The following ALDH8A1 variants were observed in gnomAD, a reference collection of about 807,000 sequenced individuals.
The protein encoded by ALDH8A1 is 2-aminomuconic semialdehyde dehydrogenase.
A neutral mutation model predicts 43.3 loss-of-function variants in ALDH8A1; 39 were observed. The observed-to-expected ratio is 0.90, with a 90% confidence interval of 0.70 to 1.18. The LOEUF is 1.18. Among genes scored for constraint, ALDH8A1 ranks in the 50% most tolerant of loss-of-function variants. The pLI, the probability that ALDH8A1 is intolerant of heterozygous loss-of-function variation, is 0.00. For missense variants in ALDH8A1, 605 were observed against 622.6 expected, an observed-to-expected ratio of 0.97 and a Z score of 0.30; for synonymous variants, 233 against 243.5, an observed-to-expected ratio of 0.96 and a Z score of 0.40.
intron 1 of ALDH8A1, 24 bp from the exon 2 acceptor site, chr6:134,943,990 G>A (rs1335258750): frequency 1.2e-6 from 2 of 1,609,730 alleles, no homozygotes; most frequent in African/African-American, 2.7e-5. Context: ...ATGGGAGAAA[G>A]GGTCACCTTA....
intron 3 of ALDH8A1, 25 bp from the exon 4 acceptor site, chr6:134,939,440 G>A: frequency 1.2e-6 from 2 of 1,609,364 alleles, no homozygotes; most frequent in South Asian, 1.1e-5. Flanking sequence ...CAGAAGCACT[G>A]CCTGTGACGG....
At chr6:134,933,915 G>C (rs1305486433) in intron 4 of ALDH8A1, among the ~76,000 whole-genome samples, 1 of 152,008 alleles carries the variant, frequency 6.6e-6, no homozygotes, top group Non-Finnish European at 1.5e-5. Context: ...CATCATGTTG[G>C]CCAGGCTGGT....
chr6:134,929,018 C>T lies in ALDH8A1; in HGVS notation c.1011+36G>A, dbSNP rs764822240. 6 of 1,607,542 alleles carry T rather than the reference C, an allele frequency of 3.7e-6. No individual in the cohort carries two copies. The African/African-American group carries it at 8.0e-5, about 22-fold the overall frequency. ...TACTGAGCTTCTCTTCAAATAAGAA[C>T]TTATTCTGTAACTTACATGGCAGAA... On this transcript the variant is annotated intron_variant, in intron 6 of 6. Coordinates refer to ENST00000265605, the MANE Select transcript of ALDH8A1 (RefSeq NM_022568.4).
In ALDH8A1 at chr6:134,933,051, C is replaced by A. The variant is rs775724822; in HGVS notation, c.593-19G>T. 2.0e-6 allele frequency: 3 copies of A among 1,525,950 alleles called. No individual in the cohort carries two copies. Among genetic ancestry groups the A allele is most frequent in the East Asian group, 2.3e-5 (1 of 44,148 alleles). The allele number at this position is 1,525,950 out of a possible 1,614,324, so 94.5% of individuals were successfully genotyped here. ...GGAACACCTGGATAGGAAACAGTAT[C>A]AGTTATAGTAATTCTCAGTATGTTG... is the stretch of plus-strand genomic sequence containing the variant. On this transcript the variant is annotated intron_variant, in intron 4 of 6. Coordinates refer to ENST00000265605, the MANE Select transcript of ALDH8A1 (RefSeq NM_022568.4).
intron 6 of ALDH8A1, among the ~76,000 whole-genome samples, chr6:134,922,226 G>A (rs1776814421): frequency 6.6e-6 from 1 of 152,138 alleles, no homozygotes; most frequent in South Asian, 2.1e-4. Context: ...ATGTGGGAGG[G>A]ATCAGACAGA....
chr6:134,942,972 T>G (rs914239330), intron 2 of ALDH8A1, among the ~76,000 whole-genome samples: 2 of 152,186 alleles, frequency 1.3e-5, no homozygotes, highest in Non-Finnish European at 2.9e-5. Flanking sequence ...TTTATACACA[T>G]GTAATGTGTA....
Position 134,933,049 on chromosome 6 carries a change from A to G in ALDH8A1, c.593-17T>C. The G allele has an allele frequency of 1.3e-6, 2 of 1,534,000 alleles. No individual in the cohort carries two copies. The highest frequency in any genetic ancestry group is 1.7e-6 in the Non-Finnish European group (2 of 1,146,440). On this transcript the variant is annotated splice_polypyrimidine_tract_variant and intron_variant, in intron 4 of 6. Coordinates refer to ENST00000265605, the MANE Select transcript of ALDH8A1 (RefSeq NM_022568.4). The stretch of plus-strand genomic sequence containing the variant: ...GTGGAACACCTGGATAGGAAACAGT[A>G]TCAGTTATAGTAATTCTCAGTATGT...
At chr6:134,928,510 A>G (rs1776923599) in intron 6 of ALDH8A1, among the ~76,000 whole-genome samples, 1 of 152,222 alleles carries the variant, frequency 6.6e-6, no homozygotes, top group Non-Finnish European at 1.5e-5. Flanking sequence ...AATAAATTAA[A>G]ATAACCCTAA....
intron 6 of ALDH8A1, among the ~76,000 whole-genome samples, chr6:134,925,869 T>C (rs1454847188): frequency 6.6e-6 from 1 of 152,110 alleles, no homozygotes; most frequent in Non-Finnish European, 1.5e-5. Flanking sequence ...GAGAGAGCCA[T>C]GCGTGCATCT....
chr6:134,944,074 T>G, intron 1 of ALDH8A1, 108 bp from the exon 2 acceptor site: 1 of 1,396,822 alleles, frequency 7.2e-7, no homozygotes, highest in African/African-American at 1.5e-5. Flanking sequence ...TGTTTTGTTT[T>G]GTTTTGTTTT....
chr6:134,920,858 A>T (rs1194385714), intron 6 of ALDH8A1, among the ~76,000 whole-genome samples: 1 of 152,206 alleles, frequency 6.6e-6, no homozygotes, highest in African/African-American at 2.4e-5. Context: ...ACATAAAGTC[A>T]GAGTACAGGG....
intron 4 of ALDH8A1, among the ~76,000 whole-genome samples, chr6:134,937,714 T>C (rs1251659902): frequency 1.3e-5 from 2 of 152,218 alleles, no homozygotes; most frequent in African/African-American, 4.8e-5. Flanking sequence ...CTGGGGAACC[T>C]GCAGTCACCA....
At chr6:134,940,515 C>T (rs1773835343) in intron 3 of ALDH8A1, among the ~76,000 whole-genome samples, 1 of 152,120 alleles carries the variant, frequency 6.6e-6, no homozygotes, top group African/African-American at 2.4e-5. Flanking sequence ...AGCCAATAAC[C>T]TTTGGTGCAT....
chr6:134,928,010 G>A (rs1277590633), intron 6 of ALDH8A1, among the ~76,000 whole-genome samples: 2 of 152,172 alleles, frequency 1.3e-5, no homozygotes, highest in Non-Finnish European at 2.9e-5. Context: ...CTGCAATCTT[G>A]TAGGTAAATT....
intron 1 of ALDH8A1, among the ~76,000 whole-genome samples, chr6:134,949,505 T>C (rs1774007040): frequency 6.6e-6 from 1 of 152,252 alleles, no homozygotes; most frequent in Non-Finnish European, 1.5e-5. Context: ...TTTGCTTGTT[T>C]GTTTATTTTA....
At chr6:134,929,334 T>A in intron 5 of ALDH8A1, 119 bp from the exon 6 acceptor site, 1 of 1,020,630 alleles carries the variant, frequency 9.8e-7, no homozygotes, top group Non-Finnish European at 1.4e-6. Flanking sequence ...GGTACAATGG[T>A]AAATAAGACA....
At chr6:134,948,778 A>G (rs556546742) in intron 1 of ALDH8A1, among the ~76,000 whole-genome samples, 1 of 152,344 alleles carries the variant, frequency 6.6e-6, no homozygotes, top group Non-Finnish European at 1.5e-5. Flanking sequence ...TCCATAGCTC[A>G]TTCTATTTTC....
At chr6:134,923,695 A>G (rs961231386) in intron 6 of ALDH8A1, among the ~76,000 whole-genome samples, 3 of 152,174 alleles carry the variant, frequency 2.0e-5, no homozygotes, top group African/African-American at 7.2e-5. Context: ...AAAATATTGA[A>G]TATAATAAGT....
intron 6 of ALDH8A1, among the ~76,000 whole-genome samples, chr6:134,920,953 C>A (rs886524710): frequency 6.6e-6 from 1 of 152,094 alleles, no homozygotes; most frequent in Non-Finnish European, 1.5e-5. Flanking sequence ...TGTCCTGTGC[C>A]TCAGTTTCCT....
Sources: gnomAD v4.1 joint callset for allele counts (sites outside exome capture counted in the v4.1 genomes callset) on GRCh38, gnomAD v4.1.1 for gene constraint, MANE v1.5 for transcripts, NCBI Gene and HGNC (gene_info 2026-07-23, HGNC 2026-07-21) for gene names.